The following DIAPH2 variants were observed in gnomAD, a reference collection of about 807,000 sequenced individuals.
DIAPH2 encodes the protein diaphanous related formin 2, also known as protein diaphanous homolog 2.
In DIAPH2, 35 loss-of-function variants were observed where a neutral mutation model predicts 92.7. The ratio of observed to expected loss-of-function variants is 0.38; its 90% confidence interval spans 0.29 to 0.50. DIAPH2 has a LOEUF of 0.50. Among genes scored for constraint, DIAPH2 ranks in the 20% least tolerant of loss-of-function variants. The pLI is 0.94. For synonymous variants in DIAPH2, 301 were observed against 280.4 expected, an observed-to-expected ratio of 1.07 and a Z score of -0.73; for missense variants, 701 against 819.5, an observed-to-expected ratio of 0.86 and a Z score of 1.77.
chrX:97,561,381 C>G (rs1195637463), intron 26 of DIAPH2, among the ~76,000 whole-genome samples: 1 of 112,401 alleles, frequency 8.9e-6, no homozygotes, highest in Non-Finnish European at 1.9e-5. Flanking sequence ...CAGTAGTCTA[C>G]TGACAAACAG....
chrX:97,446,378 G>T (rs189227841), intron 26 of DIAPH2, among the ~76,000 whole-genome samples: 1 of 111,712 alleles, frequency 9.0e-6, no homozygotes, highest in Non-Finnish European at 1.9e-5. Context: ...CAGGTTGGTA[G>T]GTTTAGCATT....
rs757586639 is a variant in DIAPH2 at position 96,894,124 on chromosome X, G to C, written c.587+12406G>C. On this transcript the variant is annotated intron_variant, in intron 5 of 26. Transcript: ENST00000324765. ...CCTCTTATATGAATATGAATTTCAA[G>C]CCTTTCATATACCCGAAATCAACCT... Among the ~76,000 whole-genome samples the C allele has an allele frequency of 7.1e-3, 790 of 111,717 alleles. 8 individuals carry two copies. The highest frequency in any genetic ancestry group is 0.024 in the African/African-American group (726 of 30,787).
intron 22 of DIAPH2, among the ~76,000 whole-genome samples, chrX:97,183,150 A>T (rs1056189895): frequency 1.9e-4 from 21 of 111,619 alleles, no homozygotes; most frequent in African/African-American, 6.5e-4. Context: ...ACTTTTGCGA[A>T]TTTGTTTTTA....
At position 97,415,025 on chromosome X, in the gene DIAPH2, A is replaced by G. The variant is rs2069927190; in HGVS notation, c.3146-14625A>G. Among the ~76,000 whole-genome samples the G allele has an allele frequency of 2.7e-5, 3 of 110,869 alleles. No homozygotes were observed. In the South Asian group the frequency reaches 1.2e-3, roughly 43 times the overall value. ...AAATTTACAAGAAAAAAACAACCCC[A>G]TCAAAAAGTGGGCAAAGGATATGAA... On this transcript the variant is annotated intron_variant, in intron 25 of 26. Transcript: ENST00000324765.
At chrX:97,334,351 T>A (rs2069029864) in intron 23 of DIAPH2, among the ~76,000 whole-genome samples, 1 of 108,147 alleles carries the variant, frequency 9.2e-6, no homozygotes, top group Admixed American at 1.0e-4. Flanking sequence ...TAGTCCCAGC[T>A]ACTCGGGAGG....
chrX:97,188,038 T>G (rs1312322603), intron 22 of DIAPH2, among the ~76,000 whole-genome samples: 1 of 111,662 alleles, frequency 9.0e-6, no homozygotes, highest in African/African-American at 3.3e-5. Context: ...CCTGGAGAGA[T>G]ATTTGGAAGT....
intron 4 of DIAPH2, among the ~76,000 whole-genome samples, chrX:96,841,519 A>G (rs1467410878): frequency 1.8e-5 from 2 of 111,831 alleles, no homozygotes; most frequent in African/African-American, 6.5e-5. Context: ...TTGAAAGTGC[A>G]TCCAGAGTTG....
chrX:96,721,049 G>A (rs1219731268), intron 1 of DIAPH2, among the ~76,000 whole-genome samples: 2 of 110,966 alleles, frequency 1.8e-5, no homozygotes, highest in African/African-American at 6.6e-5. Context: ...GACCAAGCTA[G>A]GTCAAAGAAA....
intron 20 of DIAPH2, among the ~76,000 whole-genome samples, chrX:97,100,154 A>T (rs1602342009): frequency 9.0e-6 from 1 of 110,840 alleles, no homozygotes; most frequent in Admixed American, 9.7e-5. Context: ...TCCAAAAAGT[A>T]GGTTAAAATA....
At chrX:97,055,886 T>A (rs1406221894) in intron 17 of DIAPH2, among the ~76,000 whole-genome samples, 2 of 111,775 alleles carry the variant, frequency 1.8e-5, no homozygotes, top group Non-Finnish European at 3.8e-5. Context: ...TACATATAGG[T>A]AAATATGTAA....
intron 22 of DIAPH2, among the ~76,000 whole-genome samples, chrX:97,242,420 G>A (rs1335126771): frequency 9.1e-6 from 1 of 109,778 alleles, no homozygotes; most frequent in East Asian, 2.9e-4. Context: ...CTGGAGTGCA[G>A]TGGCACGATC....
chrX:96,813,809 C>T (rs1210665797), intron 4 of DIAPH2, among the ~76,000 whole-genome samples: 1 of 111,769 alleles, frequency 8.9e-6, no homozygotes, highest in East Asian at 2.8e-4. Context: ...ATATGAAATT[C>T]TGGGTTGAAA....
intron 17 of DIAPH2, among the ~76,000 whole-genome samples, chrX:97,050,514 T>TG (rs2066512843): frequency 9.2e-6 from 1 of 108,595 alleles, no homozygotes; most frequent in African/African-American, 3.3e-5. Flanking sequence ...TTGTTTTTTT[T>TG]TTTTTTTCCT....
At chrX:97,258,044 T>G (rs1254312004) in intron 23 of DIAPH2, among the ~76,000 whole-genome samples, 1 of 111,195 alleles carries the variant, frequency 9.0e-6, no homozygotes, top group Admixed American at 9.6e-5. Context: ...TAGCTAACTT[T>G]GCTTTTTGTA....
intron 1 of DIAPH2, among the ~76,000 whole-genome samples, chrX:96,711,421 T>C (rs1280027547): frequency 8.9e-6 from 1 of 112,066 alleles, no homozygotes; most frequent in Non-Finnish European, 1.9e-5. Flanking sequence ...TGCACTTCCT[T>C]GATAATTAGT....
chrX:96,915,751 TCTTTA>T (rs2065499043), intron 7 of DIAPH2, among the ~76,000 whole-genome samples: 1 of 112,260 alleles, frequency 8.9e-6, no homozygotes, highest in African/African-American at 3.2e-5. Flanking sequence ...CATTAGAATT[TCTTTA>T]CTTATTTATT....
chrX:97,085,605 T>C (rs181272546), intron 19 of DIAPH2, among the ~76,000 whole-genome samples: 105 of 110,204 alleles, frequency 9.5e-4, no homozygotes, highest in African/African-American at 3.4e-3. Context: ...TTAGTAGAGA[T>C]GGGGTTTCGC....
At chrX:96,914,980 T>A (rs1260761917) in intron 7 of DIAPH2, among the ~76,000 whole-genome samples, 1 of 110,995 alleles carries the variant, frequency 9.0e-6, no homozygotes, top group African/African-American at 3.3e-5. Flanking sequence ...ACACATCAAA[T>A]TTTTTGGCCC....
chrX:97,111,391 T>C (rs2066979806), intron 20 of DIAPH2, among the ~76,000 whole-genome samples: 1 of 111,863 alleles, frequency 8.9e-6, no homozygotes, highest in Admixed American at 9.5e-5. Context: ...ATTGGCTTAC[T>C]GGAATTTAAG....
Sources: allele counts gnomAD v4.1 joint callset (sites outside exome capture counted in the v4.1 genomes callset), GRCh38; gene constraint gnomAD v4.1.1; transcripts MANE v1.5; gene names NCBI Gene and HGNC (gene_info 2026-07-23, HGNC 2026-07-21).